The following LY86 variants were observed in gnomAD, a reference collection of about 807,000 sequenced individuals.
The protein encoded by LY86 is MD-1, RP105-associated.
A neutral mutation model predicts 17.3 loss-of-function variants in LY86; 20 were observed. The observed-to-expected ratio is 1.15, with a 90% confidence interval of 0.81 to 1.68. The LOEUF is 1.68. LY86 is among the 40% of genes most tolerant of loss of function. The pLI, the probability that LY86 is intolerant of heterozygous loss-of-function variation, is 0.00. For synonymous variants in LY86, 74 were observed against 70.6 expected (o/e 1.05, Z -0.24); for missense variants, 200 against 191.9 (o/e 1.04, Z -0.25).
chr6:6,618,028 A>T (rs1253632546), intron 1 of LY86, among the ~76,000 whole-genome samples: 3 of 152,088 alleles, frequency 2.0e-5, no homozygotes, highest in Non-Finnish European at 2.9e-5. Flanking sequence ...TTTAATAGAG[A>T]TGGGGTTTCA....
chr6:6,621,845 C>G (rs543437802), intron 1 of LY86, among the ~76,000 whole-genome samples: 1 of 152,118 alleles, frequency 6.6e-6, no homozygotes, highest in Admixed American at 6.5e-5. Context: ...TTTGCAGTAT[C>G]TAGTGGAGGA....
At chr6:6,593,004 C>T (rs1024751182) in intron 1 of LY86, among the ~76,000 whole-genome samples, 4 of 152,228 alleles carry the variant, frequency 2.6e-5, no homozygotes, top group Non-Finnish European at 4.4e-5. Flanking sequence ...TTGGGCAACA[C>T]TCTAGATCTC....
intron 1 of LY86, among the ~76,000 whole-genome samples, chr6:6,613,279 C>G (rs955450091): frequency 6.6e-6 from 1 of 152,228 alleles, no homozygotes; most frequent in Non-Finnish European, 1.5e-5. Context: ...TGCGCCCGCA[C>G]TCCTCAGCCC....
rs546879286 is a variant in LY86 at position 6,632,279 on chromosome 6, AG to A, written c.352+5860del. Among the ~76,000 whole-genome samples the A allele has an allele frequency of 4.3e-3, 653 of 152,290 alleles. 5 individuals are homozygous for A. The highest frequency in any genetic ancestry group is 0.015 in the African/African-American group (630 of 41,546). On this transcript the variant is annotated intron_variant, in intron 3 of 4. Transcript: ENST00000230568. ...GGAAAAAGCCAGAGAGCAGGCCTGG[AG>A]GTCTCCTTCCCTCCCCACAGCTGCC...
rs376230332 is a variant in LY86 at position 6,609,628 on chromosome 6, T to C, written c.137-15298T>C. Reference sequence around the variant, plus strand: ...ATGCTAACACAGAAAAGGAGGCTGTTTATGAGTCAGCTCTGCCAACAGGAT... The same window carrying C: ...ATGCTAACACAGAAAAGGAGGCTGTCTATGAGTCAGCTCTGCCAACAGGAT... On this transcript the variant is annotated intron_variant, in intron 1 of 4. Transcript: ENST00000230568. 7.5e-4 allele frequency among the ~76,000 whole-genome samples: 114 copies of C among 152,176 alleles called. 1 individual carries two copies. Among genetic ancestry groups the C allele is most frequent in the Non-Finnish European group, 1.4e-3 (95 of 68,016 alleles).
chr6:6,618,429 A>T (rs1581244623), intron 1 of LY86, among the ~76,000 whole-genome samples: 1 of 149,186 alleles, frequency 6.7e-6, no homozygotes, highest in Non-Finnish European at 1.5e-5. Flanking sequence ...TATGAATTCA[A>T]TTTTTTTTTT....
At chr6:6,636,634 A>T (rs113972983) in intron 3 of LY86, among the ~76,000 whole-genome samples, 4 of 152,336 alleles carry the variant, frequency 2.6e-5, no homozygotes, top group African/African-American at 9.6e-5. Flanking sequence ...ATGGTTGAAC[A>T]AGGCGAAGTT....
At chr6:6,592,551 T>C (rs925283264) in intron 1 of LY86, among the ~76,000 whole-genome samples, 1 of 152,224 alleles carries the variant, frequency 6.6e-6, no homozygotes, top group African/African-American at 2.4e-5. Flanking sequence ...GAAAGTGCTA[T>C]GGACTGAATG....
At chr6:6,642,207 C>T (rs1202107993) in intron 3 of LY86, among the ~76,000 whole-genome samples, 1 of 152,252 alleles carries the variant, frequency 6.6e-6, no homozygotes, top group African/African-American at 2.4e-5. Flanking sequence ...GGCCCTGACC[C>T]AGTAGGGCAC....
At chr6:6,637,141 G>T (rs2113152572) in intron 3 of LY86, among the ~76,000 whole-genome samples, 1 of 151,736 alleles carries the variant, frequency 6.6e-6, no homozygotes, top group African/African-American at 2.4e-5. Flanking sequence ...GCCTCCCGAG[G>T]AGCTGGGACT....
At chr6:6,594,642 G>A (rs1760643711) in intron 1 of LY86, among the ~76,000 whole-genome samples, 1 of 152,180 alleles carries the variant, frequency 6.6e-6, no homozygotes, top group Non-Finnish European at 1.5e-5. Flanking sequence ...CCCACAGAGA[G>A]GCTGCATGAG....
intron 3 of LY86, 116 bp downstream of exon 3, chr6:6,626,537 C>G (rs1295598295): frequency 1.8e-6 from 2 of 1,130,268 alleles, no homozygotes; most frequent in African/African-American, 3.1e-5. Context: ...CGCCTTTGGA[C>G]GAGCTTATCC....
In LY86 at chr6:6,616,904, T is replaced by G. The variant is rs149932429; in HGVS notation, c.137-8022T>G. ...ATGCGTAAGAACCGCAGACATGAAA[T>G]ACAACAGGTGTATCCTGGTTGTGTG... On this transcript the variant is annotated intron_variant, in intron 1 of 4. Transcript: ENST00000230568. Among the ~76,000 whole-genome samples, 4 of 152,326 alleles carry G rather than the reference T, an allele frequency of 2.6e-5. No individual in the cohort carries two copies. The East Asian group carries it at 7.7e-4, about 29-fold the overall frequency.
rs371626117 is a variant in LY86 at position 6,605,932 on chromosome 6, C to T, written c.136+17062C>T. 1.4e-4 allele frequency among the ~76,000 whole-genome samples: 22 copies of T among 152,168 alleles called. 1 individual carries two copies. In the East Asian group the frequency reaches 2.1e-3, roughly 15 times the overall value. On this transcript the variant is annotated intron_variant, in intron 1 of 4. Transcript: ENST00000230568. ...TCAGGAATGAAGCTGCAGACCTTCA[C>T]AGTATGGGTTATAACTCATAAAAGA...
intron 2 of LY86, 69 bp downstream of exon 2, chr6:6,625,081 G>A: frequency 1.5e-6 from 1 of 684,638 alleles, no homozygotes; most frequent in Admixed American, 2.8e-5. Context: ...CACACCCAAT[G>A]ACTTATGTTA....
intron 1 of LY86, among the ~76,000 whole-genome samples, chr6:6,604,023 T>C (rs895918566): frequency 6.6e-6 from 1 of 152,210 alleles, no homozygotes; most frequent in Non-Finnish European, 1.5e-5. Context: ...GCCCCAAATG[T>C]ATATACTACC....
chr6:6,640,943 G>A (rs566537368), intron 3 of LY86, among the ~76,000 whole-genome samples: 7 of 152,284 alleles, frequency 4.6e-5, no homozygotes, highest in East Asian at 3.9e-4. Flanking sequence ...CACATGCCTC[G>A]TCAAACGGAC....
At chr6:6,605,882 C>T (rs565903065) in intron 1 of LY86, among the ~76,000 whole-genome samples, 33 of 148,584 alleles carry the variant, frequency 2.2e-4, no homozygotes, top group African/African-American at 7.9e-4. Flanking sequence ...TCGTTTCTCG[C>T]GGTGGGTTCT....
intron 1 of LY86, among the ~76,000 whole-genome samples, chr6:6,612,223 T>C (rs1171045735): frequency 6.6e-6 from 1 of 152,142 alleles, no homozygotes; most frequent in African/African-American, 2.4e-5. Flanking sequence ...AGTTAAGTTC[T>C]TCAAGAGGGC....
Sources: gnomAD v4.1 joint callset for allele counts (sites outside exome capture counted in the v4.1 genomes callset) on GRCh38, gnomAD v4.1.1 for gene constraint, MANE v1.5 for transcripts, NCBI Gene and HGNC (gene_info 2026-07-23, HGNC 2026-07-21) for gene names.